SMOC2: variants seen among roughly 807,000 people sequenced by gnomAD.
SMOC2 encodes SPARC-related modular calcium-binding protein 2.
Under a neutral mutation model 61.4 loss-of-function variants are expected in SMOC2, and 39 were observed. The observed-to-expected ratio is 0.64, with a 90% CI of 0.49 to 0.83. The LOEUF (loss-of-function observed/expected upper bound fraction) is 0.83. Among genes scored for constraint, SMOC2 ranks in the 40% least tolerant of loss-of-function variants. The pLI is 0.00. For synonymous variants in SMOC2, 247 were observed against 239.9 expected, an observed-to-expected ratio of 1.03 and a Z score of -0.27; for missense variants, 556 against 592.9, an observed-to-expected ratio of 0.94 and a Z score of 0.65.
At chr6:168,656,606 C>T (rs1269633706) in intron 11 of SMOC2, among the ~76,000 whole-genome samples, 1 of 150,384 alleles carries the variant, frequency 6.6e-6, no homozygotes. Flanking sequence ...GACAGGGGCC[C>T]TTTGATCTGA....
In SMOC2 at chr6:168,526,833, G is replaced by A. The variant is rs563342072; in HGVS notation, c.363+381G>A. ...TTATGGGGAGCACACACTAAAAGTC[G>A]TGTCTGTGCCAAGCGTGAGCTCCTG... On this transcript the variant is annotated intron_variant, in intron 3 of 12. Transcript: ENST00000356284. 1.6e-3 allele frequency among the ~76,000 whole-genome samples: 248 copies of A among 152,228 alleles called. 1 individual carries two copies. Among genetic ancestry groups the A allele is most frequent in the African/African-American group, 5.9e-3 (243 of 41,536 alleles).
At chr6:168,558,478 G>A (rs1784301776) in intron 7 of SMOC2, among the ~76,000 whole-genome samples, 1 of 152,184 alleles carries the variant, frequency 6.6e-6, no homozygotes, top group South Asian at 2.1e-4. Flanking sequence ...TGGTCCCTGG[G>A]AAGGACAGAA....
In SMOC2 at chr6:168,441,229, G is replaced by A; in HGVS notation, c.-142G>A. The A allele has an allele frequency of 7.8e-7, 1 of 1,287,524 alleles. No individual in the cohort carries two copies. Among genetic ancestry groups the A allele is most frequent in the Non-Finnish European group, 9.9e-7 (1 of 1,007,716 alleles). The allele number at this position is 1,287,524 out of a possible 1,614,324, so 79.8% of individuals were successfully genotyped here. A position where few individuals can be genotyped will look rare whatever the true frequency, so the allele number is the denominator to read the frequency against. ...GCCTGCAGGGGAGCTGCTCCAGCCGGGCCGCCGGGAGCGGTGGGGAGAGCA... is the reference window on the plus strand; with the variant it reads ...GCCTGCAGGGGAGCTGCTCCAGCCGAGCCGCCGGGAGCGGTGGGGAGAGCA... On this transcript the variant is annotated 5_prime_UTR_variant, in exon 1 of 13. Transcript: ENST00000356284.
chr6:168,544,275 C>T lies in SMOC2; in HGVS notation c.511+603C>T, dbSNP rs909369695. Among the ~76,000 whole-genome samples the T allele has an allele frequency of 6.6e-6, 1 of 152,168 alleles. No homozygotes were observed. The highest frequency in any genetic ancestry group is 1.5e-5 in the Non-Finnish European group (1 of 68,020). ...CGGCCAACACCCTTCAGTACCAGGA[C>T]ACATTTCTGCTTTTCTCTTACATCA... On this transcript the variant is annotated intron_variant, in intron 5 of 12. Coordinates refer to ENST00000356284, the MANE Select transcript of SMOC2 (RefSeq NM_001166412.2). This position sits in a 1 kb window ranked among gnomAD's most constrained non-coding sequence, Gnocchi z 4.1.
At chr6:168,570,417 G>A (rs1341691076) in intron 7 of SMOC2, among the ~76,000 whole-genome samples, 1 of 152,152 alleles carries the variant, frequency 6.6e-6, no homozygotes, top group Non-Finnish European at 1.5e-5. Flanking sequence ...GCCCACCCTA[G>A]AAGACTAGGA....
At chr6:168,642,350 A>G (rs557661643) in intron 9 of SMOC2, among the ~76,000 whole-genome samples, 28 of 152,378 alleles carry the variant, frequency 1.8e-4, no homozygotes, top group Non-Finnish European at 2.9e-5. Flanking sequence ...GGATTGGCCA[A>G]AACTCGGTGA....
intron 6 of SMOC2, 115 bp from the exon 7 acceptor site, chr6:168,549,014 T>C (rs1692399564): frequency 1.3e-6 from 1 of 750,070 alleles, no homozygotes; most frequent in South Asian, 1.6e-5. Context: ...AAATGTACAA[T>C]GTGTGTTATG....
intron 7 of SMOC2, among the ~76,000 whole-genome samples, chr6:168,554,547 G>A (rs972481161): frequency 3.3e-5 from 5 of 152,172 alleles, no homozygotes; most frequent in South Asian, 2.1e-4. Context: ...GGGCACGGAG[G>A]CCCCCCGTCT....
At chr6:168,449,569 C>G (rs1470401343) in intron 1 of SMOC2, among the ~76,000 whole-genome samples, 1 of 152,104 alleles carries the variant, frequency 6.6e-6, no homozygotes, top group Non-Finnish European at 1.5e-5. Flanking sequence ...TCTATGTAAT[C>G]AAGAATTTTT....
rs769226437 is a variant in SMOC2 at position 168,544,822 on chromosome 6, A to G, written c.511+1150A>G. ...TATTACTAGGACACTGACATTTTGG[A>G]GGGACAAGCTGGCATGAAAGTAAAT... On this transcript the variant is annotated intron_variant, in intron 5 of 12. Coordinates refer to ENST00000356284, the MANE Select transcript of SMOC2 (RefSeq NM_001166412.2). This position sits in a 1 kb window ranked among gnomAD's most constrained non-coding sequence, Gnocchi z 4.1. Among the ~76,000 whole-genome samples, 2 of 152,192 alleles carry G rather than the reference A, an allele frequency of 1.3e-5. No homozygotes were observed. The highest frequency in any genetic ancestry group is 2.9e-5 in the Non-Finnish European group (2 of 68,036).
intron 7 of SMOC2, among the ~76,000 whole-genome samples, chr6:168,585,561 C>G (rs1380497296): frequency 6.6e-6 from 1 of 152,166 alleles, no homozygotes; most frequent in Admixed American, 6.5e-5. Flanking sequence ...TTTCATGATG[C>G]TGGGGATAAA....
chr6:168,487,463 T>C (rs1023429918), intron 1 of SMOC2, among the ~76,000 whole-genome samples: 1 of 152,220 alleles, frequency 6.6e-6, no homozygotes, highest in African/African-American at 2.4e-5. Context: ...CCGAAAATTA[T>C]CGTATGTAGG....
At position 168,537,070 on chromosome 6, in the gene SMOC2, G is replaced by A. The variant is rs780191934; in HGVS notation, c.464-6555G>A. Among the ~76,000 whole-genome samples, 5 of 152,356 alleles carry A rather than the reference G, an allele frequency of 3.3e-5. No individual in the cohort carries two copies. In the East Asian group the frequency reaches 7.7e-4, roughly 24 times the overall value. On this transcript the variant is annotated intron_variant, in intron 4 of 12. Coordinates refer to ENST00000356284, the MANE Select transcript of SMOC2 (RefSeq NM_001166412.2). ...TCACCTCCCTCGGCCGGCCAGTGCC[G>A]GGATTCTGGCTCATGCCAAGGAGAC...
intron 5 of SMOC2, among the ~76,000 whole-genome samples, chr6:168,546,178 C>T (rs1783992620): frequency 6.7e-6 from 1 of 149,248 alleles, no homozygotes; most frequent in Admixed American, 6.8e-5. Flanking sequence ...TGTATCTGGC[C>T]CTCATCTTTG....
At chr6:168,574,597 A>G (rs535106978) in intron 7 of SMOC2, among the ~76,000 whole-genome samples, 11 of 152,174 alleles carry the variant, frequency 7.2e-5, no homozygotes, top group Admixed American at 4.6e-4. Context: ...ATGTGTTTAG[A>G]GCTCGGATTT....
intron 1 of SMOC2, among the ~76,000 whole-genome samples, chr6:168,477,673 A>G (rs929091359): frequency 4.6e-5 from 7 of 152,094 alleles, no homozygotes; most frequent in African/African-American, 1.7e-4. Context: ...TTGCTGTTGT[A>G]TAACACCTTG....
rs575634542 is a variant in SMOC2, at chr6:168,575,121, G to A, written c.638-23697G>A. On this transcript the variant is annotated intron_variant, in intron 7 of 12. Transcript: ENST00000356284. ...GGGGAAAGGTTTGTGCGAAGCGCTG[G>A]GCGGGCGTGGACTGGGCCTGCCTTT... 4.6e-5 allele frequency among the ~76,000 whole-genome samples: 7 copies of A among 152,280 alleles called. No homozygotes were observed. In the South Asian group the frequency reaches 1.5e-3, roughly 32 times the overall value.
intron 2 of SMOC2, among the ~76,000 whole-genome samples, chr6:168,519,296 T>A (rs1322111612): frequency 6.6e-6 from 1 of 152,112 alleles, no homozygotes; most frequent in Non-Finnish European, 1.5e-5. Context: ...TCCGTGATTC[T>A]TTCTGTGCCC....
intron 9 of SMOC2, among the ~76,000 whole-genome samples, chr6:168,628,237 C>T (rs555760611): frequency 6.6e-6 from 1 of 152,202 alleles, no homozygotes; most frequent in Admixed American, 6.5e-5. Context: ...AAACAAAGGG[C>T]CTCGTCGAGA....
Sources: gnomAD v4.1 joint callset for allele counts (sites outside exome capture counted in the v4.1 genomes callset) on GRCh38, gnomAD v4.1.1 for gene constraint, Gnocchi (gnomAD v3.1) non-coding constraint, MANE v1.5 for transcripts, NCBI Gene and HGNC (gene_info 2026-07-23, HGNC 2026-07-21) for gene names.